The following HDAC2 variants were observed in gnomAD, a reference collection of about 807,000 sequenced individuals.
HDAC2 encodes histone deacetylase 2.
Under a neutral mutation model 68.5 loss-of-function variants are expected in HDAC2, and 5 were observed. That is an observed-to-expected ratio of 0.07 (90% CI 0.04 to 0.15). The LOEUF is 0.15. Ranked by LOEUF, HDAC2 falls within the 10% of genes least tolerant of loss-of-function variation. The pLI is 1.00. For missense variants in HDAC2, 291 were observed against 600.8 expected, an observed-to-expected ratio of 0.48 and a Z score of 5.39; for synonymous variants, 182 against 191.3, an observed-to-expected ratio of 0.95 and a Z score of 0.40.
At chr6:113,948,694 G>T (rs984267836) in intron 8 of HDAC2, 4 of 314,212 alleles carry the variant, frequency 1.3e-5, no homozygotes, top group Non-Finnish European at 2.3e-5. Flanking sequence ...AAAAAAGTAT[G>T]CATGTTTTAT....
At position 113,941,717 on chromosome 6, in the gene HDAC2, T is replaced by C. The variant is rs1263436322; in HGVS notation, c.1427A>G (p.Asp476Gly). 1 of 1,399,432 alleles carries C rather than the reference T, an allele frequency of 7.1e-7. No individual in the cohort carries two copies. The allele number at this position is 1,399,432 out of a possible 1,614,324, so 86.7% of individuals were successfully genotyped here. ...AAGGAACATCATTTACCCTTTGGTA[T>C]CTGTTTTTTCACCACTGTTGTCCTT... ...KSKDNSGEKT[D>G]TKGTKSEQLS... Residue 476 changes from aspartate to glycine, a missense_variant, in exon 13 of 14, where the codon GAT becomes GGT. Around this residue, in one of 2 missense-constraint regions of HDAC2, gnomAD observed 137 missense variants for 128.7 expected, o/e 1.06. Transcript: ENST00000519065.
At chr6:113,956,586 T>C (rs375581140) in intron 4 of HDAC2, 33 bp downstream of exon 4, 3 of 1,478,002 alleles carry the variant, frequency 2.0e-6, no homozygotes, top group Non-Finnish European at 2.8e-6. Context: ...CAAGTTCAGA[T>C]CAACTTTTAA....
rs352061 is a variant in HDAC2 at position 113,942,321 on chromosome 6, T to C, written c.1379-556A>G. Among the ~76,000 whole-genome samples the C allele has an allele frequency of 1.7e-3, 252 of 152,006 alleles. 1 individual carries two copies. Among genetic ancestry groups the C allele is most frequent in the African/African-American group, 5.7e-3 (238 of 41,494 alleles). On this transcript the variant is annotated intron_variant, in intron 12 of 13. Coordinates refer to ENST00000519065, the MANE Select transcript of HDAC2 (RefSeq NM_001527.4). ...AGACTGAAGCCATCATTGTAATACA[T>C]TGGGAAGTTAAAATTATAAATTTCT...
At chr6:113,961,661 TC>T (rs1157941234) in intron 1 of HDAC2, among the ~76,000 whole-genome samples, 1 of 152,142 alleles carries the variant, frequency 6.6e-6, no homozygotes, top group African/African-American at 2.4e-5. Context: ...GATATATAGT[TC>T]CTTGAAAGCA....
chr6:113,943,756 C>A (rs1047090832), intron 11 of HDAC2, among the ~76,000 whole-genome samples: 2 of 151,936 alleles, frequency 1.3e-5, no homozygotes, highest in Non-Finnish European at 2.9e-5. Context: ...TTTAAAAATG[C>A]TGAAACTCTA....
At chr6:113,947,949 T>C (rs1214277432) in intron 8 of HDAC2, 4 of 152,174 alleles carry the variant, frequency 2.6e-5, no homozygotes, top group Non-Finnish European at 5.9e-5. Context: ...ACTGTCAACT[T>C]GCTACCTAAA....
chr6:113,936,782 A>C lies in HDAC2; in HGVS notation c.*4276T>G, dbSNP rs936204046. 1 of 152,418 alleles carries C rather than the reference A, an allele frequency of 6.6e-6. No individual in the cohort carries two copies. The highest frequency in any genetic ancestry group is 6.5e-5 in the Admixed American group (1 of 15,278). The allele number at this position is 152,418 out of a possible 1,614,324, so 9.4% of individuals were successfully genotyped here. Reference sequence around the variant, plus strand: ...CCAGGCGGGTGGATCATTTGAGGTAAGGAGTTCAAGACCAGCCTGGACAAT... The same window carrying C: ...CCAGGCGGGTGGATCATTTGAGGTACGGAGTTCAAGACCAGCCTGGACAAT... On this transcript the variant is annotated 3_prime_UTR_variant, in exon 14 of 14. Transcript: ENST00000519065.
chr6:113,968,686 A>C (rs1776887844), intron 1 of HDAC2: 1 of 152,230 alleles, frequency 6.6e-6, no homozygotes, highest in Non-Finnish European at 1.5e-5. Flanking sequence ...TCACGTAAGC[A>C]GGTGAATGGG....
intron 1 of HDAC2, chr6:113,968,265 A>G (rs1776873911): frequency 6.6e-6 from 1 of 152,202 alleles, no homozygotes; most frequent in South Asian, 2.1e-4. Flanking sequence ...AACCTAGGCT[A>G]GCAGATAATT....
chr6:113,944,330 T>G lies in HDAC2; in HGVS notation c.1172A>C (p.His391Pro). ...TCCATCTTCATCTCCACTGTCTTCA[T>G]GAACAGCATCTTCTGGAATAGCTTG... is the stretch of plus-strand genomic sequence containing the variant. ...QMQAIPEDAV[H>P]EDSGDEDGED... Residue 391 changes from histidine (H) to proline (P), a missense_variant, in exon 11 of 14, where the codon CAT (histidine) becomes CCT (proline). His to Pro is a moderately conservative substitution (Grantham distance 77, BLOSUM62 -2). Around this residue, in one of 2 missense-constraint regions of HDAC2, gnomAD observed 137 missense variants for 128.7 expected, o/e 1.06. Coordinates refer to ENST00000519065, the MANE Select transcript of HDAC2 (RefSeq NM_001527.4). 1 of 1,613,160 alleles carries G rather than the reference T, an allele frequency of 6.2e-7. No homozygotes were observed. The highest frequency in any genetic ancestry group is 8.5e-7 in the Non-Finnish European group (1 of 1,179,112).
intron 3 of HDAC2, among the ~76,000 whole-genome samples, chr6:113,958,259 C>T (rs1776602250): frequency 6.6e-6 from 1 of 152,162 alleles, no homozygotes; most frequent in African/African-American, 2.4e-5. Flanking sequence ...GTATTATAGT[C>T]CAGGTTAACT....
intron 1 of HDAC2, among the ~76,000 whole-genome samples, chr6:113,961,671 C>T (rs1776686392): frequency 6.6e-6 from 1 of 152,140 alleles, no homozygotes; most frequent in South Asian, 2.1e-4. Flanking sequence ...TCCTTGAAAG[C>T]AGCCTGGTCT....
At chr6:113,968,437 T>G (rs1443693904) in intron 1 of HDAC2, 1 of 152,198 alleles carries the variant, frequency 6.6e-6, no homozygotes, top group Non-Finnish European at 1.5e-5. Flanking sequence ...AACAATGTTC[T>G]CTGGTAATAA....
intron 2 of HDAC2, among the ~76,000 whole-genome samples, chr6:113,959,307 C>T (rs1776625564): frequency 6.6e-6 from 1 of 152,076 alleles, no homozygotes; most frequent in Non-Finnish European, 1.5e-5. Flanking sequence ...AAATAATTCA[C>T]ATATTCACAT....
intron 5 of HDAC2, 113 bp from the exon 6 acceptor site, chr6:113,953,531 C>G (rs1398619585): frequency 1.6e-6 from 1 of 625,894 alleles, no homozygotes; most frequent in Non-Finnish European, 2.8e-6. Context: ...AATGTTTAAT[C>G]ACCTTTTACA....
At chr6:113,958,101 G>A (rs1021786626) in intron 3 of HDAC2, among the ~76,000 whole-genome samples, 1 of 152,160 alleles carries the variant, frequency 6.6e-6, no homozygotes, top group African/African-American at 2.4e-5. Flanking sequence ...AAAAGATACT[G>A]TTCCAATAAT....
rs1225175920 is a variant in HDAC2 at position 113,937,182 on chromosome 6, T to C, written c.*3876A>G. The C allele has an allele frequency of 6.6e-6, 1 of 152,188 alleles. No individual in the cohort carries two copies. The highest frequency in any genetic ancestry group is 1.9e-4 in the East Asian group (1 of 5,196). 9.4% of individuals were successfully genotyped at this position (152,188 alleles called of 1,614,324 possible). ...GATCCTAAGCTATTGAAATGATTACTACTTGTTTTCAAAAGCCCTTATCAT... is the reference window on the plus strand; with the variant it reads ...GATCCTAAGCTATTGAAATGATTACCACTTGTTTTCAAAAGCCCTTATCAT... On this transcript the variant is annotated 3_prime_UTR_variant, in exon 14 of 14. Transcript: ENST00000519065.
intron 4 of HDAC2, 44 bp downstream of exon 4, chr6:113,956,575 C>A (rs575016557): frequency 7.6e-7 from 1 of 1,322,944 alleles, no homozygotes; most frequent in Non-Finnish European, 1.1e-6. Context: ...AGATAACACA[C>A]CAAGTTCAGA....
intron 3 of HDAC2, 106 bp from the exon 4 acceptor site, chr6:113,956,799 TCAAA>T (rs942813655): frequency 4.0e-6 from 3 of 741,586 alleles, no homozygotes; most frequent in African/African-American, 1.7e-5. Flanking sequence ...GATGCAATCA[TCAAA>T]CATACACTTC....
Sources: allele counts gnomAD v4.1 joint callset (sites outside exome capture counted in the v4.1 genomes callset), GRCh38; gene constraint gnomAD v4.1.1; regional missense constraint gnomAD v4.1.1; transcripts MANE v1.5; gene names NCBI Gene and HGNC (gene_info 2026-07-23, HGNC 2026-07-21).